The following L3MBTL4 variants were observed in gnomAD, a reference collection of about 807,000 sequenced individuals.
The protein encoded by L3MBTL4 is lethal(3)malignant brain tumor-like protein 4.
In L3MBTL4, 70 loss-of-function variants were observed where a neutral mutation model predicts 84.5. The ratio of observed to expected loss-of-function variants is 0.83; its 90% CI spans 0.68 to 1.01. The LOEUF is 1.01. Ranked by LOEUF, L3MBTL4 falls within the 50% of genes least tolerant of loss-of-function variation. The pLI, the probability that L3MBTL4 is intolerant of heterozygous loss-of-function variation, is 0.00. For missense variants in L3MBTL4, 715 were observed against 754.8 expected (o/e 0.95, Z 0.62); for synonymous variants, 274 against 259.8 (o/e 1.05, Z -0.52).
chr18:6,031,134 T>C, intron 16 of L3MBTL4: 1 of 985,468 alleles, frequency 1.0e-6, no homozygotes, highest in Non-Finnish European at 1.2e-6. Context: ...TGATCCAAGT[T>C]CTAAACCCAG....
chr18:6,317,688 T>C (rs2051179342), intron 1 of L3MBTL4, among the ~76,000 whole-genome samples: 1 of 152,136 alleles, frequency 6.6e-6, no homozygotes, highest in Non-Finnish European at 1.5e-5. Context: ...CTTGATGGAA[T>C]AATAGAGGAA....
intron 16 of L3MBTL4, among the ~76,000 whole-genome samples, chr18:6,078,858 T>C (rs2057966340): frequency 6.6e-6 from 1 of 152,220 alleles, no homozygotes; most frequent in South Asian, 2.1e-4. Flanking sequence ...CTTGTTTTTC[T>C]GCAACTAGAC....
At chr18:6,349,301 G>A (rs544293021) in intron 1 of L3MBTL4, among the ~76,000 whole-genome samples, 31 of 152,270 alleles carry the variant, frequency 2.0e-4, no homozygotes, top group African/African-American at 7.0e-4. Context: ...TCCATTTATA[G>A]TAGAATGAAT....
At chr18:6,029,944 G>A (rs1293053683) in intron 16 of L3MBTL4, 6 of 985,250 alleles carry the variant, frequency 6.1e-6, no homozygotes, top group Non-Finnish European at 7.2e-6. Context: ...CAGTCAAGCT[G>A]ACACCTACAG....
intron 14 of L3MBTL4, among the ~76,000 whole-genome samples, chr18:6,128,275 A>G (rs1441730828): frequency 6.6e-6 from 1 of 152,202 alleles, no homozygotes; most frequent in East Asian, 1.9e-4. Flanking sequence ...ACAAGGAGTG[A>G]AAAAGTTCTG....
chr18:6,015,056 G>A (rs1228668536), intron 16 of L3MBTL4, among the ~76,000 whole-genome samples: 2 of 151,916 alleles, frequency 1.3e-5, no homozygotes, highest in African/African-American at 2.4e-5. Flanking sequence ...AAGATGATGA[G>A]GGAAGTGCTT....
At chr18:6,340,441 G>T (rs947267483) in intron 1 of L3MBTL4, among the ~76,000 whole-genome samples, 5 of 152,164 alleles carry the variant, frequency 3.3e-5, no homozygotes, top group African/African-American at 1.2e-4. Context: ...TCCCACAGGG[G>T]GAACTAAGAG....
intron 16 of L3MBTL4, among the ~76,000 whole-genome samples, chr18:6,035,995 T>C (rs62076855): frequency 0.12 from 18,836 of 152,194 alleles, 1,340 homozygotes; most frequent in South Asian, 0.26. Context: ...TGGTTGACAG[T>C]ATCTTTGTGT....
intron 16 of L3MBTL4, among the ~76,000 whole-genome samples, chr18:6,026,431 G>C (rs2055507402): frequency 6.6e-6 from 1 of 152,210 alleles, no homozygotes; most frequent in South Asian, 2.1e-4. Context: ...TTAGCAAGAA[G>C]TAAGAGTTAA....
chr18:6,303,974 G>A (rs1191075234), intron 3 of L3MBTL4, among the ~76,000 whole-genome samples: 9 of 143,738 alleles, frequency 6.3e-5, no homozygotes, highest in South Asian at 2.2e-4. Context: ...AGATCACGCC[G>A]TTGCACTCCA....
At chr18:6,157,590 C>T (rs955534336) in intron 13 of L3MBTL4, among the ~76,000 whole-genome samples, 5 of 152,148 alleles carry the variant, frequency 3.3e-5, no homozygotes, top group Admixed American at 6.5e-5. Context: ...TATTTATATA[C>T]GTGCAGTATA....
At chr18:6,234,769 A>G (rs1402737589) in intron 10 of L3MBTL4, among the ~76,000 whole-genome samples, 1 of 152,316 alleles carries the variant, frequency 6.6e-6, no homozygotes, top group Admixed American at 6.5e-5. Flanking sequence ...CGATTCCTCA[A>G]GGATCTAGAA....
intron 1 of L3MBTL4, among the ~76,000 whole-genome samples, chr18:6,409,822 G>C (rs1273224484): frequency 1.3e-5 from 2 of 152,120 alleles, no homozygotes; most frequent in Non-Finnish European, 2.9e-5. Flanking sequence ...CTGGGGAAAT[G>C]ATCCAAGCAA....
chr18:6,276,537 A>G (rs1455773505), intron 4 of L3MBTL4, among the ~76,000 whole-genome samples: 1 of 152,192 alleles, frequency 6.6e-6, no homozygotes, highest in East Asian at 1.9e-4. Context: ...CAGTGGACAG[A>G]GTAATCAGCA....
rs80109614 is a variant in L3MBTL4, at chr18:6,262,803, G to A, written c.219+1144C>T. Among the ~76,000 whole-genome samples, 411 of 152,148 alleles carry A rather than the reference G, an allele frequency of 2.7e-3. 8 individuals are homozygous for A. Among genetic ancestry groups the A allele is most frequent in the East Asian group, 0.024 (124 of 5,168 alleles). On this transcript the variant is annotated intron_variant, in intron 5 of 18. Coordinates refer to ENST00000317931, the MANE Select transcript of L3MBTL4 (RefSeq NM_001330559.2). ...AGGACATGCATCATTTCTTGAACAC[G>A]AGGGGTCTGCATTTGGTTTCCCTTT...
chr18:6,161,993 C>T (rs9950264), intron 13 of L3MBTL4, among the ~76,000 whole-genome samples: 10,996 of 150,804 alleles, frequency 0.073, 1,359 homozygotes, highest in African/African-American at 0.25. Flanking sequence ...TGTGTATGTA[C>T]GCATTTTTCT....
intron 12 of L3MBTL4, among the ~76,000 whole-genome samples, chr18:6,190,248 G>A (rs8099156): frequency 0.044 from 6,706 of 152,206 alleles, 487 homozygotes; most frequent in African/African-American, 0.15. Flanking sequence ...AATAAAACAG[G>A]ATGTGGTTAC....
intron 16 of L3MBTL4, among the ~76,000 whole-genome samples, chr18:6,032,522 T>C: frequency 6.6e-6 from 1 of 151,908 alleles, no homozygotes; most frequent in Non-Finnish European, 1.5e-5. Context: ...TACTGTTGAA[T>C]TGTTTTTTAT....
At chr18:6,083,918 G>A (rs1210025035) in intron 15 of L3MBTL4, among the ~76,000 whole-genome samples, 1 of 152,134 alleles carries the variant, frequency 6.6e-6, no homozygotes, top group African/African-American at 2.4e-5. Flanking sequence ...CCTACTTCCA[G>A]TTGGAAGAAA....
Sources: gnomAD v4.1 joint callset for allele counts (sites outside exome capture counted in the v4.1 genomes callset) on GRCh38, gnomAD v4.1.1 for gene constraint, MANE v1.5 for transcripts, NCBI Gene and HGNC (gene_info 2026-07-23, HGNC 2026-07-21) for gene names.